GATAD2A: variants seen among roughly 807,000 people sequenced by gnomAD.
GATAD2A encodes the protein GATA zinc finger domain containing 2A.
In GATAD2A, 12 loss-of-function variants were observed where a neutral mutation model predicts 68.5. That is an observed-to-expected ratio of 0.18 (90% confidence interval 0.11 to 0.28). The LOEUF is 0.28. Among genes scored for constraint, GATAD2A ranks in the 10% least tolerant of loss-of-function variants. The probability of loss-of-function intolerance (pLI) is 1.00; values close to 1 mark genes in which losing one functional copy is unlikely to be tolerated. For missense variants in GATAD2A, 755 were observed against 868.5 expected (o/e 0.87, Z 1.64); for synonymous variants, 410 against 375.3 (o/e 1.09, Z -1.07).
chr19:19,470,824 G>C (rs1356425451), intron 2 of GATAD2A, among the ~76,000 whole-genome samples: 1 of 152,212 alleles, frequency 6.6e-6, no homozygotes. Context: ...TTGCTGGTAG[G>C]AATGTAAAAT....
chr19:19,489,921 C>T (rs897116347), intron 2 of GATAD2A, among the ~76,000 whole-genome samples: 1 of 152,206 alleles, frequency 6.6e-6, no homozygotes, highest in African/African-American at 2.4e-5. Context: ...CTCTGAGGTG[C>T]TCAGTGTGTG....
intron 1 of GATAD2A, among the ~76,000 whole-genome samples, chr19:19,429,906 T>C (rs79645953): frequency 0.02 from 3,052 of 152,140 alleles, 35 homozygotes; most frequent in Middle Eastern, 0.041. Context: ...GCTCTGTGCC[T>C]TGGGGAGAGC....
intron 1 of GATAD2A, among the ~76,000 whole-genome samples, chr19:19,386,744 TC>T (rs940404592): frequency 6.2e-5 from 9 of 145,974 alleles, no homozygotes; most frequent in African/African-American, 2.0e-4. Context: ...TATCAGGGGC[TC>T]CCCCGCCTCT....
At chr19:19,408,446 C>T (rs928645412) in intron 1 of GATAD2A, among the ~76,000 whole-genome samples, 3 of 152,044 alleles carry the variant, frequency 2.0e-5, no homozygotes, top group Non-Finnish European at 4.4e-5. Context: ...GGATTTGTAC[C>T]AGAATGTCAA....
chr19:19,500,934 C>T (rs917633534), intron 8 of GATAD2A, among the ~76,000 whole-genome samples, 184 bp from the exon 9 acceptor site: 2 of 152,166 alleles, frequency 1.3e-5, no homozygotes, highest in South Asian at 2.1e-4. Context: ...GACAGGAGGC[C>T]GACGTTTTCT....
At chr19:19,397,742 G>GT (rs1011569216) in intron 1 of GATAD2A, among the ~76,000 whole-genome samples, 8 of 149,646 alleles carry the variant, frequency 5.3e-5, no homozygotes, top group East Asian at 2.0e-4. Flanking sequence ...ACAGTTTTTT[G>GT]TTTTTTTTGA....
intron 6 of GATAD2A, 26 bp downstream of exon 6, chr19:19,495,911 A>AC (rs1373046499): frequency 6.2e-7 from 1 of 1,602,264 alleles, no homozygotes; most frequent in Admixed American, 1.7e-5. Flanking sequence ...CACATGGGGG[A>AC]GACCTGGCAG....
rs778977704 is a variant in GATAD2A, at chr19:19,492,354, C to G, written c.318C>G (p.Leu106=). 1.9e-6 allele frequency: 3 copies of G among 1,611,298 alleles called. No individual in the cohort carries two copies. Among genetic ancestry groups the G allele is most frequent in the Non-Finnish European group, 2.5e-6 (3 of 1,178,662 alleles). ...RRPPSPDVIV[L]SDNEQPSSPR... Reference sequence around the variant, plus strand: ...CCCCCTCACCTGACGTGATTGTGCTCTCCGACAACGAGCAGCCCTCGAGCC... The same window carrying G: ...CCCCCTCACCTGACGTGATTGTGCTGTCCGACAACGAGCAGCCCTCGAGCC... The change falls in exon 3 of 12, where the codon CTC becomes CTG. Residue 106 remains leucine, a synonymous_variant. Coordinates refer to ENST00000683918, the MANE Select transcript of GATAD2A (RefSeq NM_001384528.1).
chr19:19,492,462 G>A (rs745819612), intron 3 of GATAD2A, 24 bp downstream of exon 3: 14 of 1,613,554 alleles, frequency 8.7e-6, no homozygotes, highest in South Asian at 2.2e-5. Context: ...TGGCGCTGCC[G>A]CCGGAGCCCC....
In GATAD2A at chr19:19,502,545, G is replaced by T. The variant is rs1395837798; in HGVS notation, c.1774+19G>T. ...AGCACAGGTGGGTGACCTCCACAGG[G>T]CTCCCCAGGGGACCTGCCCATTGTG... On this transcript the variant is annotated intron_variant, in intron 11 of 11. Transcript: ENST00000683918. 6.4e-7 allele frequency: 1 copy of T among 1,573,548 alleles called. No individual in the cohort carries two copies.
At chr19:19,401,297 T>C (rs2049722552), upstream of GATAD2A, among the ~76,000 whole-genome samples, 1 of 142,746 alleles carries the variant, frequency 7.0e-6, no homozygotes, top group African/African-American at 2.6e-5. Context: ...CACTGCAAGC[T>C]CCGCCTCCCG....
At chr19:19,397,515 G>T (rs781167447) in intron 1 of GATAD2A, among the ~76,000 whole-genome samples, 33 of 151,998 alleles carry the variant, frequency 2.2e-4, no homozygotes, top group Non-Finnish European at 3.7e-4. Flanking sequence ...ATGAGCCTCC[G>T]TACCGGGCCT....
chr19:19,470,376 C>T (rs1053438673), intron 2 of GATAD2A, among the ~76,000 whole-genome samples: 2 of 152,048 alleles, frequency 1.3e-5, no homozygotes, highest in African/African-American at 2.4e-5. Context: ...CCTCGTGATC[C>T]GCCCGCCTCA....
At chr19:19,499,337 C>G (rs905902328) in intron 8 of GATAD2A, among the ~76,000 whole-genome samples, 2 of 152,174 alleles carry the variant, frequency 1.3e-5, no homozygotes, top group African/African-American at 4.8e-5. Context: ...ACGTTTCTGC[C>G]CACAGGTTGA....
intron 7 of GATAD2A, among the ~76,000 whole-genome samples, chr19:19,496,604 G>T (rs929486668): frequency 6.6e-6 from 1 of 152,242 alleles, no homozygotes; most frequent in Non-Finnish European, 1.5e-5. Flanking sequence ...GCCTTGGGGG[G>T]CACCGGAGCC....
chr19:19,491,317 T>C (rs147308331), intron 2 of GATAD2A, among the ~76,000 whole-genome samples: 2 of 152,300 alleles, frequency 1.3e-5, no homozygotes, highest in Non-Finnish European at 2.9e-5. Context: ...CCCCTGGTGC[T>C]TCCCAACTGG....
chr19:19,414,123 T>C (rs2051289096), intron 1 of GATAD2A, among the ~76,000 whole-genome samples: 1 of 152,194 alleles, frequency 6.6e-6, no homozygotes, highest in Non-Finnish European at 1.5e-5. Flanking sequence ...TTTGAAGTTT[T>C]CTTGGGCAAG....
chr19:19,491,281 A>G (rs2059773014), intron 2 of GATAD2A, among the ~76,000 whole-genome samples: 1 of 152,194 alleles, frequency 6.6e-6, no homozygotes, highest in African/African-American at 2.4e-5. Flanking sequence ...CAAAAGAGGA[A>G]AGCCTGCAAG....
At chr19:19,463,478 A>G (rs1009727789) in intron 1 of GATAD2A, among the ~76,000 whole-genome samples, 2 of 151,104 alleles carry the variant, frequency 1.3e-5, no homozygotes, top group African/African-American at 4.9e-5. Flanking sequence ...GCTCCATTCC[A>G]CGGAGGAGCT....
Sources: allele counts gnomAD v4.1 joint callset (sites outside exome capture counted in the v4.1 genomes callset), GRCh38; gene constraint gnomAD v4.1.1; transcripts MANE v1.5; gene names NCBI Gene and HGNC (gene_info 2026-07-23, HGNC 2026-07-21).